PHACTR1: variants seen among roughly 807,000 people sequenced by gnomAD.
PHACTR1 encodes the protein phosphatase and actin regulator 1, also known as RPEL repeat containing 1.
Under a neutral mutation model 69.2 loss-of-function variants are expected in PHACTR1, and 16 were observed. The ratio of observed to expected loss-of-function variants is 0.23; its 90% CI spans 0.16 to 0.35. The LOEUF (loss-of-function observed/expected upper bound fraction) is 0.35, where lower values mean the gene tolerates loss of function less well. PHACTR1 is among the 10% of genes least tolerant of loss of function. The pLI is 1.00. For missense variants in PHACTR1, 510 were observed against 734.7 expected (o/e 0.69, Z 3.54); for synonymous variants, 312 against 284.5 (o/e 1.10, Z -0.97).
rs1055276812 is a variant in PHACTR1 at position 13,221,196 on chromosome 6, A to G, written c.987-6620A>G. Among the ~76,000 whole-genome samples the G allele has an allele frequency of 2.0e-5, 3 of 152,178 alleles. No individual in the cohort carries two copies. In the East Asian group the frequency reaches 5.8e-4, roughly 29 times the overall value. Reference sequence around the variant, plus strand: ...AGAGGGAGGAGGCAGGGAAGTCCACAGGGTACTTGGGCAATGGCAAGTGGT... The same window carrying G: ...AGAGGGAGGAGGCAGGGAAGTCCACGGGGTACTTGGGCAATGGCAAGTGGT... On this transcript the variant is annotated intron_variant, in intron 8 of 14. Transcript: ENST00000332995.
chr6:12,777,435 T>G (rs1770216277), intron 4 of PHACTR1, among the ~76,000 whole-genome samples: 2 of 151,752 alleles, frequency 1.3e-5, no homozygotes, highest in East Asian at 1.9e-4. Context: ...TCTTTCTTTG[T>G]TTCCAGGTGT....
At chr6:12,755,109 G>C (rs1767153793) in intron 4 of PHACTR1, among the ~76,000 whole-genome samples, 1 of 152,014 alleles carries the variant, frequency 6.6e-6, no homozygotes, top group Admixed American at 6.6e-5. Flanking sequence ...AGACTCTTTG[G>C]TCTGAGCATC....
intron 10 of PHACTR1, among the ~76,000 whole-genome samples, chr6:13,244,358 A>G (rs1478196204): frequency 6.6e-6 from 1 of 152,238 alleles, no homozygotes; most frequent in Non-Finnish European, 1.5e-5. Context: ...AGTTTCGGGC[A>G]CCATTGTCAT....
intron 6 of PHACTR1, among the ~76,000 whole-genome samples, chr6:13,167,105 G>A (rs926620003): frequency 2.0e-5 from 3 of 152,142 alleles, no homozygotes; most frequent in African/African-American, 4.8e-5. Context: ...AGTCACAGCC[G>A]GTGAGTGTGA....
At chr6:12,897,264 G>A (rs753928792) in intron 4 of PHACTR1, among the ~76,000 whole-genome samples, 4 of 152,114 alleles carry the variant, frequency 2.6e-5, no homozygotes, top group African/African-American at 7.2e-5. Flanking sequence ...GAGATTTAGC[G>A]GTATCTATGT....
At chr6:13,022,855 A>G (rs909522702) in intron 4 of PHACTR1, among the ~76,000 whole-genome samples, 3 of 151,916 alleles carry the variant, frequency 2.0e-5, no homozygotes, top group South Asian at 4.2e-4. Flanking sequence ...CGTCTCTACA[A>G]AAAGTACTAA....
At chr6:13,014,867 G>A (rs374710105) in intron 4 of PHACTR1, among the ~76,000 whole-genome samples, 1 of 152,350 alleles carries the variant, frequency 6.6e-6, no homozygotes, top group East Asian at 1.9e-4. Context: ...AGCCCAGAGC[G>A]AGGGACCGCC....
At chr6:13,135,674 TAAAGAC>T (rs1278885735) in intron 5 of PHACTR1, among the ~76,000 whole-genome samples, 2 of 152,152 alleles carry the variant, frequency 1.3e-5, no homozygotes, top group Non-Finnish European at 2.9e-5. Flanking sequence ...CAGACAGAGA[TAAAGAC>T]AGAAAGAGAC....
intron 4 of PHACTR1, among the ~76,000 whole-genome samples, chr6:12,824,697 T>A (rs1776596486): frequency 6.6e-6 from 1 of 152,234 alleles, no homozygotes; most frequent in Admixed American, 6.5e-5. Flanking sequence ...CATGCTTCAT[T>A]TCTTCTCAAC....
At chr6:13,236,412 A>G (rs1584146553) in intron 10 of PHACTR1, among the ~76,000 whole-genome samples, 2 of 152,240 alleles carry the variant, frequency 1.3e-5, no homozygotes, top group South Asian at 2.1e-4. Flanking sequence ...ACAGAAATGC[A>G]TTGTCTCGGA....
intron 4 of PHACTR1, among the ~76,000 whole-genome samples, chr6:13,003,915 A>G (rs775816322): frequency 5.0e-5 from 7 of 140,238 alleles, no homozygotes; most frequent in Non-Finnish European, 1.1e-4. Context: ...TGCAAAAGAC[A>G]TGATTTCATT....
intron 3 of PHACTR1, among the ~76,000 whole-genome samples, chr6:12,724,883 G>C (rs1367408283): frequency 1.3e-5 from 2 of 152,090 alleles, no homozygotes; most frequent in Non-Finnish European, 2.9e-5. Flanking sequence ...TACATTAAAA[G>C]GCAGCCAAAT....
At chr6:13,069,449 C>T (rs1463839977) in intron 5 of PHACTR1, among the ~76,000 whole-genome samples, 2 of 152,142 alleles carry the variant, frequency 1.3e-5, no homozygotes, top group East Asian at 1.9e-4. Flanking sequence ...CTTCCAGGCC[C>T]TCTAGACCTG....
chr6:13,080,021 C>T (rs1811125466), intron 5 of PHACTR1, among the ~76,000 whole-genome samples: 1 of 152,068 alleles, frequency 6.6e-6, no homozygotes, highest in Non-Finnish European at 1.5e-5. Context: ...GTTTCTCTAG[C>T]CATTAACAGG....
At chr6:13,262,082 G>A (rs1775992781) in intron 10 of PHACTR1, among the ~76,000 whole-genome samples, 1 of 152,192 alleles carries the variant, frequency 6.6e-6, no homozygotes, top group Non-Finnish European at 1.5e-5. Flanking sequence ...AGATCATTCT[G>A]TATGGGCTGG....
intron 4 of PHACTR1, among the ~76,000 whole-genome samples, chr6:12,925,474 T>C (rs1788173932): frequency 6.6e-6 from 1 of 152,208 alleles, no homozygotes; most frequent in African/African-American, 2.4e-5. Flanking sequence ...ACGAAACTGT[T>C]CTAAGAGAAT....
rs181668126 is a variant in PHACTR1 at position 13,047,682 on chromosome 6, G to T, written c.251-5683G>T. Among the ~76,000 whole-genome samples, 3 of 152,050 alleles carry T rather than the reference G, an allele frequency of 2.0e-5. 1 individual carries two copies. The highest frequency in any genetic ancestry group is 3.9e-4 in the East Asian group (2 of 5,182). ...TCTCCACTGGGGTCCCAAATGGGCTGCCCTCCTGCCTCTGGTGCTGACTCT... is the reference window on the plus strand; with the variant it reads ...TCTCCACTGGGGTCCCAAATGGGCTTCCCTCCTGCCTCTGGTGCTGACTCT... On this transcript the variant is annotated intron_variant, in intron 4 of 14. Transcript: ENST00000332995.
chr6:12,735,225 TC>T (rs11353622), intron 3 of PHACTR1, among the ~76,000 whole-genome samples: 99,441 of 151,956 alleles, frequency 0.65, 33,146 homozygotes, highest in East Asian at 0.92. Context: ...CTGGTGTGTC[TC>T]CATCACGTTG....
rs141158938 is a variant in PHACTR1, at chr6:13,087,135, T to C, written c.415+33606T>C. Among the ~76,000 whole-genome samples, 25 of 147,950 alleles carry C rather than the reference T, an allele frequency of 1.7e-4. No individual in the cohort carries two copies. In the East Asian group the frequency reaches 4.9e-3, roughly 29 times the overall value. On this transcript the variant is annotated intron_variant, in intron 5 of 14. Transcript: ENST00000332995. ...CAGACTGTTTTATATATATATGTTATATATATAACATATATATTTTTATAT... is the reference window on the plus strand; with the variant it reads ...CAGACTGTTTTATATATATATGTTACATATATAACATATATATTTTTATAT...
Sources: allele counts gnomAD v4.1 joint callset (sites outside exome capture counted in the v4.1 genomes callset), GRCh38; gene constraint gnomAD v4.1.1; transcripts MANE v1.5; gene names NCBI Gene and HGNC (gene_info 2026-07-23, HGNC 2026-07-21).